Variants in PTPRD observed in about 807,000 individuals in gnomAD.
PTPRD encodes receptor-type tyrosine-protein phosphatase delta.
In PTPRD, 34 loss-of-function variants were observed where a neutral mutation model predicts 214.5. That is an observed-to-expected ratio of 0.16 (90% CI 0.12 to 0.21). The LOEUF (loss-of-function observed/expected upper bound fraction) is 0.21. Among genes scored for constraint, PTPRD ranks in the 10% least tolerant of loss-of-function variants. PTPRD has a pLI of 1.00. For synonymous variants in PTPRD, 1,128 were observed against 845.7 expected, an observed-to-expected ratio of 1.33 and a Z score of -5.79; for missense variants, 2,545 against 2,398.7, an observed-to-expected ratio of 1.06 and a Z score of -1.27.
intron 9 of PTPRD, among the ~76,000 whole-genome samples, chr9:9,388,034 A>G (rs936934226): frequency 6.6e-6 from 1 of 152,066 alleles, no homozygotes; most frequent in Non-Finnish European, 1.5e-5. Flanking sequence ...GCCTTGCTGT[A>G]CTGGAAGAAT....
At chr9:9,221,728 C>T (rs1243819429) in intron 9 of PTPRD, among the ~76,000 whole-genome samples, 1 of 152,036 alleles carries the variant, frequency 6.6e-6, no homozygotes, top group Non-Finnish European at 1.5e-5. Context: ...GGGGTTCTAG[C>T]ATATACACTT....
At chr9:9,067,646 A>G (rs958098270) in intron 10 of PTPRD, among the ~76,000 whole-genome samples, 2 of 152,102 alleles carry the variant, frequency 1.3e-5, no homozygotes, top group Non-Finnish European at 2.9e-5. Flanking sequence ...TAACCTCTTT[A>G]TTTTGTTATA....
chr9:9,540,384 A>G (rs985313651), intron 8 of PTPRD, among the ~76,000 whole-genome samples: 2 of 151,784 alleles, frequency 1.3e-5, no homozygotes, highest in African/African-American at 4.8e-5. Flanking sequence ...TGCCAGATAT[A>G]AGGTGAGATG....
chr9:8,454,209 A>C (rs1368096106), intron 33 of PTPRD, among the ~76,000 whole-genome samples: 2 of 152,192 alleles, frequency 1.3e-5, no homozygotes, highest in Non-Finnish European at 2.9e-5. Flanking sequence ...CTTGAAAACT[A>C]ATCTTTGGTA....
intron 14 of PTPRD, among the ~76,000 whole-genome samples, chr9:8,549,839 T>C (rs1564259971): frequency 6.6e-6 from 1 of 152,208 alleles, no homozygotes; most frequent in Non-Finnish European, 1.5e-5. Flanking sequence ...AAAGATACTA[T>C]TCTTAACTCT....
intron 7 of PTPRD, among the ~76,000 whole-genome samples, chr9:9,673,514 A>C (rs1014602962): frequency 4.6e-5 from 7 of 152,022 alleles, no homozygotes; most frequent in Admixed American, 1.3e-4. Flanking sequence ...GAAAAATAGC[A>C]AACTGGGAAA....
chr9:9,044,997 A>T (rs1426415616), intron 10 of PTPRD, among the ~76,000 whole-genome samples: 1 of 152,228 alleles, frequency 6.6e-6, no homozygotes, highest in Non-Finnish European at 1.5e-5. Flanking sequence ...AACAAGAAAC[A>T]AATGAATCAA....
chr9:9,257,846 C>A (rs1260845724), intron 9 of PTPRD, among the ~76,000 whole-genome samples: 1 of 151,822 alleles, frequency 6.6e-6, no homozygotes, highest in Non-Finnish European at 1.5e-5. Context: ...CTAGCAGGGA[C>A]ATTAGGGACA....
chr9:9,101,508 G>A (rs925731043), intron 10 of PTPRD, among the ~76,000 whole-genome samples: 2 of 152,174 alleles, frequency 1.3e-5, no homozygotes, highest in Non-Finnish European at 2.9e-5. Context: ...AGGTAGCAGA[G>A]CAGAGTGTGA....
chr9:8,483,300 C>A (rs79198011), intron 30 of PTPRD, among the ~76,000 whole-genome samples: 1 of 151,874 alleles, frequency 6.6e-6, no homozygotes, highest in Non-Finnish European at 1.5e-5. Flanking sequence ...GGAATTTTTC[C>A]TACTTTTAAT....
At chr9:8,365,172 AG>A (rs1228699231) in intron 39 of PTPRD, among the ~76,000 whole-genome samples, 2 of 152,110 alleles carry the variant, frequency 1.3e-5, no homozygotes, top group African/African-American at 4.8e-5. Context: ...AGGCTGCAGG[AG>A]GGGAAGTGGT....
chr9:8,977,468 G>A (rs1283118175), intron 11 of PTPRD, among the ~76,000 whole-genome samples: 1 of 151,872 alleles, frequency 6.6e-6, no homozygotes, highest in East Asian at 1.9e-4. Context: ...CTAAATTATT[G>A]GCTGTTTCCC....
chr9:8,468,778 T>C (rs1010821765), intron 31 of PTPRD, among the ~76,000 whole-genome samples: 1 of 141,096 alleles, frequency 7.1e-6, no homozygotes, highest in African/African-American at 2.6e-5. Context: ...ATTACTACAG[T>C]GCTTTTATTA....
intron 8 of PTPRD, among the ~76,000 whole-genome samples, chr9:9,478,615 CCT>C (rs1013880914): frequency 1.3e-5 from 2 of 152,052 alleles, no homozygotes; most frequent in African/African-American, 2.4e-5. Context: ...CCTGCATCCC[CCT>C]CTCTCTCTAT....
intron 10 of PTPRD, among the ~76,000 whole-genome samples, chr9:9,029,864 A>G (rs1296617705): frequency 6.6e-6 from 1 of 151,938 alleles, no homozygotes; most frequent in Non-Finnish European, 1.5e-5. Context: ...GGAATGGTTA[A>G]ATTGATGAAA....
At chr9:8,485,610 C>G (rs932306899) in intron 28 of PTPRD, 152 bp downstream of exon 28, 1 of 730,590 alleles carries the variant, frequency 1.4e-6, no homozygotes, top group Non-Finnish European at 2.2e-6. Flanking sequence ...CTAAGGCATC[C>G]AAGACGTAGT....
intron 10 of PTPRD, among the ~76,000 whole-genome samples, chr9:9,161,891 A>G (rs2099890016): frequency 6.6e-6 from 1 of 151,954 alleles, no homozygotes; most frequent in African/African-American, 2.4e-5. Flanking sequence ...AAATGTTTAA[A>G]TTTTCCTGTA....
At chr9:9,548,785 T>G (rs527756066) in intron 8 of PTPRD, among the ~76,000 whole-genome samples, 1 of 152,156 alleles carries the variant, frequency 6.6e-6, no homozygotes, top group Non-Finnish European at 1.5e-5. Context: ...TATTTTATAA[T>G]GATGAAATGG....
intron 12 of PTPRD, among the ~76,000 whole-genome samples, chr9:8,666,881 A>G (rs2097180925): frequency 6.6e-6 from 1 of 152,208 alleles, no homozygotes; most frequent in African/African-American, 2.4e-5. Flanking sequence ...ATGTACGACT[A>G]AAAACTTAAT....
Sources: gnomAD v4.1 joint callset for allele counts (sites outside exome capture counted in the v4.1 genomes callset) on GRCh38, gnomAD v4.1.1 for gene constraint, MANE v1.5 for transcripts, NCBI Gene and HGNC (gene_info 2026-07-23, HGNC 2026-07-21) for gene names.